ZC3H3: variants seen among roughly 807,000 people sequenced by gnomAD.
The protein encoded by ZC3H3 is zinc finger CCCH domain-containing protein 3.
Under a neutral mutation model 77.3 loss-of-function variants are expected in ZC3H3, and 36 were observed. The observed-to-expected ratio is 0.47, with a 90% CI of 0.36 to 0.61. The LOEUF is 0.61. ZC3H3 is among the 20% of genes least tolerant of loss of function. The probability of loss-of-function intolerance (pLI) is 0.00; values close to 1 mark genes in which losing one functional copy is unlikely to be tolerated. For missense variants in ZC3H3, 1,331 were observed against 1,312.2 expected, an observed-to-expected ratio of 1.01 and a Z score of -0.22; for synonymous variants, 626 against 555.2, an observed-to-expected ratio of 1.13 and a Z score of -1.79.
At chr8:143,536,085 C>T (rs116232760) in intron 3 of ZC3H3, among the ~76,000 whole-genome samples, 172 bp downstream of exon 3, 2,604 of 152,338 alleles carry the variant, frequency 0.017, 78 homozygotes, top group African/African-American at 0.06. Context: ...GCGCAGCATC[C>T]GGGCCCTATC....
rs1586864321 is a variant in ZC3H3, at chr8:143,437,971, T to G, written c.*85A>C. The G allele has an allele frequency of 6.4e-7, 1 of 1,551,936 alleles. No individual in the cohort carries two copies. Among genetic ancestry groups the G allele is most frequent in the Admixed American group, 1.9e-5 (1 of 51,620 alleles). On this transcript the variant is annotated 3_prime_UTR_variant, in exon 12 of 12. Transcript: ENST00000262577. ...GGTGAGGCTTGGTGGCGGGCGGCCC[T>G]CCTGTGGGGTAGAGTGGTGGACAGA...
intron 3 of ZC3H3, among the ~76,000 whole-genome samples, chr8:143,516,340 G>A (rs946282970): frequency 2.6e-5 from 4 of 152,132 alleles, no homozygotes; most frequent in African/African-American, 9.7e-5. Flanking sequence ...CCAGGAGCAG[G>A]GCCACGGGGC....
At chr8:143,522,505 AG>A (rs923756636) in intron 3 of ZC3H3, among the ~76,000 whole-genome samples, 5 of 152,304 alleles carry the variant, frequency 3.3e-5, no homozygotes, top group Admixed American at 1.3e-4. Flanking sequence ...GGGGAGGCTG[AG>A]GTGGGAGAAT....
intron 2 of ZC3H3, among the ~76,000 whole-genome samples, chr8:143,537,149 T>A (rs983828254): frequency 6.6e-6 from 1 of 151,762 alleles, no homozygotes; most frequent in African/African-American, 2.4e-5. Context: ...CCTCATGGAG[T>A]CCCTGAGCCC....
At chr8:143,517,697 T>A (rs535063942) in intron 3 of ZC3H3, among the ~76,000 whole-genome samples, 2 of 152,292 alleles carry the variant, frequency 1.3e-5, no homozygotes, top group Non-Finnish European at 2.9e-5. Flanking sequence ...CTGCTCCCAG[T>A]CTGGCCATAA....
At chr8:143,532,314 G>A (rs903923883) in intron 3 of ZC3H3, among the ~76,000 whole-genome samples, 1 of 152,272 alleles carries the variant, frequency 6.6e-6, no homozygotes, top group Non-Finnish European at 1.5e-5. Context: ...AGGCTGAAGT[G>A]CGGCGGGGGA....
At position 143,530,273 on chromosome 8, in the gene ZC3H3, G is replaced by A. The variant is rs1291192622; in HGVS notation, c.1561+5984C>T. On this transcript the variant is annotated intron_variant, in intron 3 of 11. Transcript: ENST00000262577. The surrounding 1 kb of genome is among the most constrained non-coding windows in gnomAD (Gnocchi z 4.3). Reference sequence around the variant, plus strand: ...AGCACACTGGCGACAAGTCTGGGAAGGCGGCTGCTTCCCAGGCAGGGCCCT... The same window carrying A: ...AGCACACTGGCGACAAGTCTGGGAAAGCGGCTGCTTCCCAGGCAGGGCCCT... 6.6e-6 allele frequency among the ~76,000 whole-genome samples: 1 copy of A among 152,132 alleles called. No individual in the cohort carries two copies. The highest frequency in any genetic ancestry group is 2.4e-5 in the African/African-American group (1 of 41,430).
intron 9 of ZC3H3, among the ~76,000 whole-genome samples, chr8:143,463,513 A>G (rs1820322522): frequency 6.6e-6 from 1 of 152,152 alleles, no homozygotes. Flanking sequence ...GAGGAGGGAA[A>G]ACTCTTCCGT....
At chr8:143,443,332 C>T (rs956562546) in intron 9 of ZC3H3, among the ~76,000 whole-genome samples, 3 of 146,530 alleles carry the variant, frequency 2.0e-5, no homozygotes, top group African/African-American at 7.6e-5. Context: ...TACTTAGGAG[C>T]GATGAAGAAA....
Position 143,468,602 on chromosome 8 carries a change from G to A in ZC3H3, c.1946+15C>T, listed in dbSNP as rs548311276. The A allele has an allele frequency of 3.3e-5, 52 of 1,572,524 alleles. No homozygotes were observed. In the East Asian group the frequency reaches 1.2e-3, roughly 36 times the overall value. On this transcript the variant is annotated intron_variant, in intron 6 of 11. Transcript: ENST00000262577. Reference sequence around the variant, plus strand: ...GAGCAGGGAGCCCACCCACTGCCCAGCCCAAAGGCATTACCTGGCCAGGGA... The same window carrying A: ...GAGCAGGGAGCCCACCCACTGCCCAACCCAAAGGCATTACCTGGCCAGGGA...
Position 143,536,411 on chromosome 8 carries a change from G to T in ZC3H3, c.1407C>A (p.Thr469=). 1 of 1,551,812 alleles carries T rather than the reference G, an allele frequency of 6.4e-7. No individual in the cohort carries two copies. Among genetic ancestry groups the T allele is most frequent in the Non-Finnish European group, 8.7e-7 (1 of 1,145,870 alleles). ...DKKSGTSPAA[T]AKSHLSLRRR... ...GCCGGAGGCTGAGGTGGCTCTTGGC[G>T]GTGGCGGCAGGTGAGGTGCCGCTTT... The change falls in exon 3 of 12, where the codon ACC becomes ACA. Residue 469 remains threonine (T), a synonymous_variant. Coordinates refer to ENST00000262577, the MANE Select transcript of ZC3H3 (RefSeq NM_015117.3).
intron 3 of ZC3H3, among the ~76,000 whole-genome samples, chr8:143,517,392 G>A (rs959560623): frequency 2.0e-5 from 3 of 152,168 alleles, no homozygotes; most frequent in African/African-American, 7.2e-5. Flanking sequence ...ACAGGCCTTG[G>A]GCAGGGGTGC....
chr8:143,503,338 GCGTGTGC>G (rs921615785), intron 4 of ZC3H3, among the ~76,000 whole-genome samples: 1 of 152,120 alleles, frequency 6.6e-6, no homozygotes, highest in African/African-American at 2.4e-5. Context: ...ATGATGTCTG[GCGTGTGC>G]CTCAATGGTG....
chr8:143,490,948 T>C (rs1390983854), intron 4 of ZC3H3, among the ~76,000 whole-genome samples: 1 of 152,218 alleles, frequency 6.6e-6, no homozygotes, highest in East Asian at 1.9e-4. Flanking sequence ...TAAATGATAC[T>C]TTACGACCAC....
chr8:143,484,723 T>A, intron 4 of ZC3H3: 1 of 321,534 alleles, frequency 3.1e-6, no homozygotes, highest in South Asian at 2.4e-5. Context: ...CAGGACCCAC[T>A]CTGTCTGTGC....
chr8:143,472,851 C>T (rs1297833670), intron 5 of ZC3H3, among the ~76,000 whole-genome samples: 2 of 152,210 alleles, frequency 1.3e-5, no homozygotes, highest in Non-Finnish European at 2.9e-5. Context: ...CAGGCGGGGC[C>T]AGCCTTGGCC....
chr8:143,442,401 G>A (rs544178072), intron 9 of ZC3H3, among the ~76,000 whole-genome samples: 312 of 118,738 alleles, frequency 2.6e-3, no homozygotes, highest in Admixed American at 5.0e-3. Flanking sequence ...TTCAGGGGCC[G>A]GGGGGGGTGG....
In ZC3H3 at chr8:143,530,030, G is replaced by T. The variant is rs1217663206; in HGVS notation, c.1561+6227C>A. On this transcript the variant is annotated intron_variant, in intron 3 of 11. Transcript: ENST00000262577. This position sits in a 1 kb window ranked among gnomAD's most constrained non-coding sequence, Gnocchi z 4.3. ...CTGACAGCAGTTCCTCCACACCCAGGGGCGGGCACGGCAGACTGAGGGACG... is the reference window on the plus strand; with the variant it reads ...CTGACAGCAGTTCCTCCACACCCAGTGGCGGGCACGGCAGACTGAGGGACG... Among the ~76,000 whole-genome samples, 1 of 152,206 alleles carries T rather than the reference G, an allele frequency of 6.6e-6. No homozygotes were observed. The highest frequency in any genetic ancestry group is 1.9e-4 in the East Asian group (1 of 5,188).
intron 4 of ZC3H3, among the ~76,000 whole-genome samples, chr8:143,475,882 T>C (rs1820720443): frequency 6.6e-6 from 1 of 152,116 alleles, no homozygotes; most frequent in African/African-American, 2.4e-5. Flanking sequence ...TGGGAACTCA[T>C]GCGCCCCTAG....
Sources: allele counts gnomAD v4.1 joint callset (sites outside exome capture counted in the v4.1 genomes callset), GRCh38; gene constraint gnomAD v4.1.1; non-coding constraint Gnocchi (gnomAD v3.1); transcripts MANE v1.5; gene names NCBI Gene and HGNC (gene_info 2026-07-23, HGNC 2026-07-21).